MYO9A: variants seen among roughly 807,000 people sequenced by gnomAD.
The protein encoded by MYO9A is unconventional myosin-IXa.
In MYO9A, 103 loss-of-function variants were observed where a neutral mutation model predicts 293.3. The observed-to-expected ratio is 0.35, with a 90% confidence interval of 0.30 to 0.41. The LOEUF is 0.41. Among genes scored for constraint, MYO9A ranks in the 10% least tolerant of loss-of-function variants. MYO9A has a pLI of 1.00. For synonymous variants in MYO9A, 1,001 were observed against 1,035.7 expected, an observed-to-expected ratio of 0.97 and a Z score of 0.64; for missense variants, 2,685 against 3,033.0, an observed-to-expected ratio of 0.89 and a Z score of 2.69.
intron 1 of MYO9A, among the ~76,000 whole-genome samples, chr15:72,058,137 CT>C (rs1463462488): frequency 3.3e-5 from 5 of 152,310 alleles, no homozygotes; most frequent in Admixed American, 1.3e-4. Context: ...GCAGTACCCC[CT>C]GACATTCAAA....
At chr15:71,833,119 A>C (rs1339487007) in intron 39 of MYO9A, among the ~76,000 whole-genome samples, 2 of 151,996 alleles carry the variant, frequency 1.3e-5, no homozygotes, top group Non-Finnish European at 2.9e-5. Context: ...AGCACATAAA[A>C]AACAGTAGAT....
rs1027666400 is a variant in MYO9A at position 71,823,385 on chromosome 15, G to A, written c.*3195C>T. ...TGGAGTCTTCATTAATCTTCCAGCAGGGTAAGTGCTCTGGCAGGTTTCCAA... is the reference window on the plus strand; with the variant it reads ...TGGAGTCTTCATTAATCTTCCAGCAAGGTAAGTGCTCTGGCAGGTTTCCAA... On this transcript the variant is annotated 3_prime_UTR_variant, in exon 42 of 42. Transcript: ENST00000356056. The A allele has an allele frequency of 7.9e-5, 12 of 152,196 alleles. No individual in the cohort carries two copies. The highest frequency in any genetic ancestry group is 2.9e-4 in the African/African-American group (12 of 41,442). 9.4% of individuals were successfully genotyped at this position (152,196 alleles called of 1,614,324 possible). A position where few individuals can be genotyped will look rare whatever the true frequency, so the allele number is the denominator to read the frequency against.
At position 71,834,932 on chromosome 15, in the gene MYO9A, G is replaced by A. The variant is rs544949107; in HGVS notation, c.6838-4621C>T. ...ATGAAAAGTTGGATTTATTGTAGTA[G>A]TATGATACTACTACATACACATAAT... is the stretch of plus-strand genomic sequence containing the variant. On this transcript the variant is annotated intron_variant, in intron 39 of 41. Coordinates refer to ENST00000356056, the MANE Select transcript of MYO9A (RefSeq NM_006901.4). Among the ~76,000 whole-genome samples, 3 of 152,178 alleles carry A rather than the reference G, an allele frequency of 2.0e-5. No homozygotes were observed. The South Asian group carries it at 6.2e-4, about 32-fold the overall frequency.
intron 1 of MYO9A, among the ~76,000 whole-genome samples, chr15:72,091,120 C>T (rs1473810965): frequency 6.6e-6 from 1 of 151,856 alleles, no homozygotes; most frequent in Non-Finnish European, 1.5e-5. Context: ...GATCACTGGA[C>T]CCCAGGAGTT....
chr15:72,008,939 C>T (rs2077095884), intron 7 of MYO9A, among the ~76,000 whole-genome samples: 1 of 152,168 alleles, frequency 6.6e-6, no homozygotes, highest in South Asian at 2.1e-4. Context: ...AAAGATATTG[C>T]TTTAGGAACC....
rs2054434646 is a variant in MYO9A, at chr15:71,825,353, CTACTATACATACATATTTACAA to C, written c.*1205_*1226del. On this transcript the variant is annotated 3_prime_UTR_variant, in exon 42 of 42. Transcript: ENST00000356056. ...AGCACAAGGTTAAAAAGAAATATGC[CTACTATACATACATATTTACAA>C]TAAACTTCAGTAACCAGAATATTAA... 6.6e-6 allele frequency: 1 copy of C among 152,036 alleles called. No individual in the cohort carries two copies. Among genetic ancestry groups the C allele is most frequent in the Admixed American group, 6.6e-5 (1 of 15,260 alleles). 9.4% of individuals were successfully genotyped at this position (152,036 alleles called of 1,614,324 possible).
chr15:72,063,141 C>A (rs1033532915), intron 1 of MYO9A, among the ~76,000 whole-genome samples: 3 of 152,196 alleles, frequency 2.0e-5, no homozygotes, highest in African/African-American at 4.8e-5. Flanking sequence ...AGAACACACA[C>A]TGGGGAAAAG....
intron 15 of MYO9A, among the ~76,000 whole-genome samples, chr15:71,945,416 CCAT>C (rs1051325284): frequency 1.3e-5 from 2 of 152,004 alleles, no homozygotes; most frequent in African/African-American, 2.4e-5. Flanking sequence ...AAGTGACATA[CCAT>C]CATTTTTGCC....
chr15:71,893,921 G>A (rs146964676), intron 25 of MYO9A, 143 bp from the exon 26 acceptor site: 10 of 675,666 alleles, frequency 1.5e-5, no homozygotes, highest in Non-Finnish European at 2.5e-5. Context: ...TTTCTGCTTA[G>A]CTAATTAGTA....
intron 40 of MYO9A, 145 bp downstream of exon 40, chr15:71,829,964 T>C (rs2054650477): frequency 1.1e-6 from 1 of 897,820 alleles, no homozygotes; most frequent in African/African-American, 1.7e-5. Flanking sequence ...AGACAACACG[T>C]CTTTGTCATC....
intron 1 of MYO9A, among the ~76,000 whole-genome samples, chr15:72,099,759 GGGCATGGT>G (rs2080205299): frequency 6.7e-6 from 1 of 150,074 alleles, no homozygotes; most frequent in African/African-American, 2.5e-5. Context: ...AAAATTGGTC[GGGCATGGT>G]GGCATGCGCC....
chr15:71,908,964 T>C (rs988602126), intron 19 of MYO9A, among the ~76,000 whole-genome samples: 4 of 152,142 alleles, frequency 2.6e-5, no homozygotes, highest in African/African-American at 4.8e-5. Context: ...ACTGTCTCCA[T>C]AGTTTTGTTT....
Position 71,959,913 on chromosome 15 carries a change from G to C in MYO9A, c.2170C>G (p.His724Asp), listed in dbSNP as rs781327003. 6.2e-7 allele frequency: 1 copy of C among 1,608,016 alleles called. No individual in the cohort carries two copies. The highest frequency in any genetic ancestry group is 1.1e-5 in the South Asian group (1 of 90,928). The change falls in exon 14 of 42, where the codon CAC (histidine) becomes GAC (aspartate). Residue 724 changes from histidine to aspartate, a missense_variant. His to Asp is a moderately conservative substitution (Grantham distance 81). Coordinates refer to ENST00000356056, the MANE Select transcript of MYO9A (RefSeq NM_006901.4). ...AACTACTACTTACCAGTTTTTCTGT[G>C]AATGTTTCTTTTCCCAGCTTCCCTG... The part of the protein sequence containing the change: ...AFREAGKRNI[H>D]RKTGHDDTAP...
chr15:71,852,366 T>C (rs928909928), intron 35 of MYO9A, 106 bp from the exon 36 acceptor site: 24 of 1,017,586 alleles, frequency 2.4e-5, no homozygotes, highest in Non-Finnish European at 2.7e-5. Flanking sequence ...ATGTTTCTTT[T>C]TTTTTTTTTT....
chr15:71,982,823 G>A (rs959577898), intron 11 of MYO9A, among the ~76,000 whole-genome samples: 1 of 152,066 alleles, frequency 6.6e-6, no homozygotes, highest in Non-Finnish European at 1.5e-5. Flanking sequence ...TATATATTTT[G>A]AGGTTCTGCT....
intron 19 of MYO9A, among the ~76,000 whole-genome samples, chr15:71,908,834 T>G (rs2057750739): frequency 6.6e-6 from 1 of 152,334 alleles, no homozygotes; most frequent in African/African-American, 2.4e-5. Flanking sequence ...TTTAAACAAA[T>G]ATATAGACAT....
chr15:71,919,930 C>G (rs1382435660), intron 18 of MYO9A, among the ~76,000 whole-genome samples: 1 of 150,264 alleles, frequency 6.7e-6, no homozygotes, highest in Non-Finnish European at 1.5e-5. Flanking sequence ...TTCCCATATA[C>G]CTAACAATAA....
intron 1 of MYO9A, among the ~76,000 whole-genome samples, chr15:72,055,120 T>C (rs1391792057): frequency 6.6e-6 from 1 of 152,132 alleles, no homozygotes; most frequent in East Asian, 1.9e-4. Flanking sequence ...GAAAATGTAA[T>C]GGAAGAAATA....
intron 6 of MYO9A, among the ~76,000 whole-genome samples, chr15:72,011,613 G>C (rs962148557): frequency 2.0e-5 from 3 of 151,834 alleles, no homozygotes; most frequent in African/African-American, 7.3e-5. Flanking sequence ...AAAAATTGTT[G>C]TGGAATACCA....
Sources: gnomAD v4.1 joint callset for allele counts (sites outside exome capture counted in the v4.1 genomes callset) on GRCh38, gnomAD v4.1.1 for gene constraint, MANE v1.5 for transcripts, NCBI Gene and HGNC (gene_info 2026-07-23, HGNC 2026-07-21) for gene names.